The following AMDHD2 variants were observed in gnomAD, a reference collection of about 807,000 sequenced individuals.
AMDHD2 encodes amidohydrolase domain containing 2, also known as N-acetylglucosamine-6-phosphate deacetylase.
Under a neutral mutation model 41.8 loss-of-function variants are expected in AMDHD2, and 24 were observed. The ratio of observed to expected loss-of-function variants is 0.57; its 90% CI spans 0.42 to 0.81. The LOEUF (loss-of-function observed/expected upper bound fraction) is 0.81. AMDHD2 is among the 30% of genes least tolerant of loss of function. AMDHD2 has a pLI of 0.00. For missense variants in AMDHD2, 540 were observed against 588.5 expected (o/e 0.92, Z 0.85); for synonymous variants, 332 against 255.5 (o/e 1.30, Z -2.85).
chr16:2,529,838 T>A lies in AMDHD2; in HGVS notation c.*275T>A. On this transcript the variant is annotated 3_prime_UTR_variant, in exon 11 of 11. Coordinates refer to ENST00000293971, the MANE Select transcript of AMDHD2 (RefSeq NM_001330449.2). ...GGGGTGGGATGGCTGGGCTGTAGTT[T>A]AGCCTGGGCCTTGGGCCCCAGTGGG... 7.1e-7 allele frequency: 1 copy of A among 1,404,952 alleles called. No homozygotes were observed. The highest frequency in any genetic ancestry group is 1.6e-5 in the South Asian group (1 of 64,002). 87.0% of individuals were successfully genotyped at this position (1,404,952 alleles called of 1,614,324 possible).
intron 3 of AMDHD2, among the ~76,000 whole-genome samples, chr16:2,524,234 C>T (rs562970628): frequency 3.9e-5 from 6 of 152,390 alleles, no homozygotes; most frequent in African/African-American, 1.2e-4. Flanking sequence ...CCAGAAGCTT[C>T]TTCGGTCTTT....
rs2066060129 is a variant in AMDHD2, at chr16:2,529,709, G to C, written c.*146G>C. ...GCGGCCGCCCTGGAGGCGGTGGCTGGGATAAACGTGCACCCAGCAGGACTC... is the reference window on the plus strand; with the variant it reads ...GCGGCCGCCCTGGAGGCGGTGGCTGCGATAAACGTGCACCCAGCAGGACTC... On this transcript the variant is annotated 3_prime_UTR_variant, in exon 11 of 11. Coordinates refer to ENST00000293971, the MANE Select transcript of AMDHD2 (RefSeq NM_001330449.2). The C allele has an allele frequency of 6.8e-7, 1 of 1,476,926 alleles. No individual in the cohort carries two copies. The highest frequency in any genetic ancestry group is 1.4e-5 in the African/African-American group (1 of 71,686). The allele number at this position is 1,476,926 out of a possible 1,614,324, so 91.5% of individuals were successfully genotyped here.
At chr16:2,529,445 C>T (rs763828686) in intron 10 of AMDHD2, 30 bp from the exon 11 acceptor site, 5 of 1,606,320 alleles carry the variant, frequency 3.1e-6, no homozygotes, top group South Asian at 1.1e-5. Context: ...CCCACTCCTG[C>T]CCCCTACTCA....
chr16:2,522,361 G>A (rs545631076), intron 3 of AMDHD2, among the ~76,000 whole-genome samples: 1 of 152,242 alleles, frequency 6.6e-6, no homozygotes, highest in East Asian at 1.9e-4. Context: ...GGCACTACGG[G>A]CTTGTGCCAC....
chr16:2,524,046 CT>C (rs1280199584), intron 3 of AMDHD2, among the ~76,000 whole-genome samples: 1 of 152,218 alleles, frequency 6.6e-6, no homozygotes, highest in African/African-American at 2.4e-5. Context: ...TGTCTTAACC[CT>C]TGGCGCACAC....
Position 2,528,223 on chromosome 16 carries a change from C to T in AMDHD2, c.718-13C>T, listed in dbSNP as rs781375898. ...GCTGTCGCTCAGCCATCCCTTCCCT[C>T]GCCCCTGCCCAGTTCCACCACCGCG... On this transcript the variant is annotated splice_polypyrimidine_tract_variant and intron_variant, in intron 6 of 10. Coordinates refer to ENST00000293971, the MANE Select transcript of AMDHD2 (RefSeq NM_001330449.2). The T allele has an allele frequency of 8.7e-6, 14 of 1,611,852 alleles. No individual in the cohort carries two copies. Among genetic ancestry groups the T allele is most frequent in the Middle Eastern group, 1.7e-4 (1 of 6,058 alleles).
At chr16:2,522,105 A>T (rs915663274) in intron 3 of AMDHD2, among the ~76,000 whole-genome samples, 1 of 151,716 alleles carries the variant, frequency 6.6e-6, no homozygotes, top group Non-Finnish European at 1.5e-5. Context: ...TTTTTAAGAG[A>T]CAGGGTTTCT....
intron 3 of AMDHD2, among the ~76,000 whole-genome samples, chr16:2,524,664 A>G (rs979093848): frequency 2.6e-5 from 4 of 152,158 alleles, no homozygotes; most frequent in Non-Finnish European, 5.9e-5. Flanking sequence ...CTTTGCCCCA[A>G]CCAGCATCCA....
At chr16:2,525,793 C>T (rs1426624487) in intron 3 of AMDHD2, among the ~76,000 whole-genome samples, 1 of 152,248 alleles carries the variant, frequency 6.6e-6, no homozygotes, top group African/African-American at 2.4e-5. Context: ...ATCCGCCTGC[C>T]TTGGCCTCCC....
intron 9 of AMDHD2, 116 bp downstream of exon 9, chr16:2,528,834 T>C: frequency 2.6e-6 from 4 of 1,546,730 alleles, no homozygotes; most frequent in Non-Finnish European, 3.5e-6. Flanking sequence ...TCCTGGGCAT[T>C]GGGTACTTGG....
At chr16:2,521,727 T>G (rs938178573) in intron 3 of AMDHD2, among the ~76,000 whole-genome samples, 39 of 152,106 alleles carry the variant, frequency 2.6e-4, no homozygotes, top group Non-Finnish European at 5.3e-4. Flanking sequence ...CTACTGTTTT[T>G]TACTGAACTA....
chr16:2,530,034 C>A lies in AMDHD2; in HGVS notation c.*471C>A. 1.3e-6 allele frequency: 1 copy of A among 765,902 alleles called. No homozygotes were observed. Among genetic ancestry groups the A allele is most frequent in the Non-Finnish European group, 2.0e-6 (1 of 494,506 alleles). 47.4% of individuals were successfully genotyped at this position (765,902 alleles called of 1,614,324 possible). A position where few individuals can be genotyped will look rare whatever the true frequency, so the allele number is the denominator to read the frequency against. ...ACCAGTCACAGGGAGTGTGGACAGT[C>A]AGGGGTTTGCTTTCTGCTCCTGAGT... On this transcript the variant is annotated 3_prime_UTR_variant, in exon 11 of 11. Transcript: ENST00000293971.
intron 3 of AMDHD2, among the ~76,000 whole-genome samples, chr16:2,524,749 C>A (rs185508789): frequency 6.6e-6 from 1 of 152,116 alleles, no homozygotes; most frequent in Non-Finnish European, 1.5e-5. Flanking sequence ...GTGCTGGCTG[C>A]TTCTCAGTCT....
rs1355095273 is a variant in AMDHD2 at position 2,528,273 on chromosome 16, C to T, written c.755C>T (p.Thr252Ile). Residue 252 changes from threonine (T) to isoleucine (I), a missense_variant, in exon 7 of 11, where the codon ACC becomes ATC. Coordinates refer to ENST00000293971, the MANE Select transcript of AMDHD2 (RefSeq NM_001330449.2). ...HRDPGIVGLL[T>I]SDRLPAGRCI... ...GACCCAGGCATCGTGGGGCTCCTGA[C>T]CAGCGACCGGCTGCCCGCAGGCCGC... 2 of 1,612,350 alleles carry T rather than the reference C, an allele frequency of 1.2e-6. No homozygotes were observed. The highest frequency in any genetic ancestry group is 1.7e-6 in the Non-Finnish European group (2 of 1,179,910).
Position 2,520,381 on chromosome 16 carries a change from T to G in AMDHD2, c.-78T>G. The G allele has an allele frequency of 8.6e-7, 1 of 1,159,370 alleles. No individual in the cohort carries two copies. The highest frequency in any genetic ancestry group is 1.1e-6 in the Non-Finnish European group (1 of 926,108). 71.8% of individuals were successfully genotyped at this position (1,159,370 alleles called of 1,614,324 possible). ...GGTCACGTGGGCGCGGTCTCAGCTC[T>G]CGGCTGGGGTTCGTCACTGGGCGCG... On this transcript the variant is annotated 5_prime_UTR_variant, in exon 1 of 11. Coordinates refer to ENST00000293971, the MANE Select transcript of AMDHD2 (RefSeq NM_001330449.2).
Position 2,520,537 on chromosome 16 carries a change from C to T in AMDHD2, c.79C>T (p.Leu27Phe). The T allele has an allele frequency of 8.1e-7, 1 of 1,233,690 alleles. No individual in the cohort carries two copies. The highest frequency in any genetic ancestry group is 1.0e-6 in the Non-Finnish European group (1 of 981,994). 76.4% of individuals were successfully genotyped at this position (1,233,690 alleles called of 1,614,324 possible). A position where few individuals can be genotyped will look rare whatever the true frequency, so the allele number is the denominator to read the frequency against. Residue 27 changes from leucine to phenylalanine, a missense_variant, in exon 1 of 11, where the codon CTC becomes TTC. Leu to Phe is a conservative substitution (Grantham distance 22). Coordinates refer to ENST00000293971, the MANE Select transcript of AMDHD2 (RefSeq NM_001330449.2). ...NCRILRGGKL[L>F]REDLWVRGGR... ...CCGGATCCTGCGCGGAGGGAAACTG[C>T]TCAGGTGGGCGCGGGCCGGGGACTG...
chr16:2,528,663 G>A lies in AMDHD2; in HGVS notation c.984G>A (p.Leu328=). The A allele has an allele frequency of 6.2e-7, 1 of 1,612,886 alleles. No individual in the cohort carries two copies. Among genetic ancestry groups the A allele is most frequent in the East Asian group, 2.2e-5 (1 of 44,900 alleles). The change falls in exon 9 of 11, where the codon CTG becomes CTA. Residue 328 remains leucine, a synonymous_variant. Transcript: ENST00000293971. ...TCTGCTCTCAAGGCACCAAGACGCT[G>A]AGTGGCAGCATAGCCCCAATGGACG... The part of the protein sequence containing the change: ...LTAYVAGTKT[L]SGSIAPMDVC...
chr16:2,530,227 C>T lies in AMDHD2; in HGVS notation c.*664C>T, dbSNP rs2066068173. The stretch of plus-strand genomic sequence containing the variant: ...TGACCAGCGTTCTGTTTTCTCTTCT[C>T]AATAACCCTATCTCTTCACACATCC... On this transcript the variant is annotated 3_prime_UTR_variant, in exon 11 of 11. Coordinates refer to ENST00000293971, the MANE Select transcript of AMDHD2 (RefSeq NM_001330449.2). The T allele has an allele frequency of 1.3e-6, 2 of 1,571,622 alleles. No homozygotes were observed. The highest frequency in any genetic ancestry group is 1.3e-5 in the African/African-American group (1 of 74,184).
chr16:2,528,671 G>A lies in AMDHD2; in HGVS notation c.992G>A (p.Ser331Asn). Residue 331 changes from serine to asparagine, a missense_variant, in exon 9 of 11, where the codon AGC (serine) becomes AAC (asparagine). Physicochemically the swap from Ser to Asn is conservative, Grantham distance 46. Transcript: ENST00000293971. ...CAAGGCACCAAGACGCTGAGTGGCA[G>A]CATAGCCCCAATGGACGTCTGTGTC... ...YVAGTKTLSG[S>N]IAPMDVCVRH... The A allele has an allele frequency of 6.2e-7, 1 of 1,612,944 alleles. No homozygotes were observed. Among genetic ancestry groups the A allele is most frequent in the East Asian group, 2.2e-5 (1 of 44,894 alleles).
Sources: allele counts gnomAD v4.1 joint callset (sites outside exome capture counted in the v4.1 genomes callset), GRCh38; gene constraint gnomAD v4.1.1; transcripts MANE v1.5; gene names NCBI Gene and HGNC (gene_info 2026-07-23, HGNC 2026-07-21).